Variants in KLRF1 observed in about 807,000 individuals in gnomAD.
KLRF1 encodes killer cell lectin-like receptor subfamily F member 1.
Under a neutral mutation model 30.7 loss-of-function variants are expected in KLRF1, and 27 were observed. The observed-to-expected ratio is 0.88, with a 90% CI of 0.65 to 1.21. The LOEUF is 1.21. Among genes scored for constraint, KLRF1 ranks in the 50% most tolerant of loss-of-function variants. The probability of loss-of-function intolerance (pLI) is 0.00; values close to 1 mark genes in which losing one functional copy is unlikely to be tolerated. For missense variants in KLRF1, 246 were observed against 259.3 expected, an observed-to-expected ratio of 0.95 and a Z score of 0.35; for synonymous variants, 92 against 89.3, an observed-to-expected ratio of 1.03 and a Z score of -0.17.
At chr12:9,829,740 C>T (rs753740622) in intron 1 of KLRF1, among the ~76,000 whole-genome samples, 19 of 152,166 alleles carry the variant, frequency 1.2e-4, no homozygotes, top group Admixed American at 7.2e-4. Flanking sequence ...ACCTGAGCAA[C>T]AGAGCGAGAC....
the KLRF1 span, among the ~76,000 whole-genome samples, chr12:9,812,342 G>A: frequency 6.7e-6 from 1 of 149,640 alleles, no homozygotes; most frequent in East Asian, 2.0e-4. Context: ...TCCAGCCTGG[G>A]CGACAGAGCG....
chr12:9,840,275 T>A (rs1447129296), intron 3 of KLRF1, among the ~76,000 whole-genome samples: 1 of 152,086 alleles, frequency 6.6e-6, no homozygotes, highest in East Asian at 1.9e-4. Flanking sequence ...GTGATAGTTG[T>A]ACAACATTGT....
At chr12:9,817,451 T>C in the KLRF1 span, 8 of 439,830 alleles carry the variant, frequency 1.8e-5, no homozygotes, top group South Asian at 1.5e-4. Flanking sequence ...AAACAGGTCG[T>C]AGATTCTCTG....
Position 9,831,486 on chromosome 12 carries a change from GAAT to G in KLRF1, c.86-826_86-824del, listed in dbSNP as rs565266589. Among the ~76,000 whole-genome samples the G allele has an allele frequency of 4.6e-5, 7 of 152,022 alleles. No homozygotes were observed. In the South Asian group the frequency reaches 8.3e-4, roughly 18 times the overall value. ...ATTCAATTTATTGACTGAACAATAA[GAAT>G]AATTTCGGTTACAATAGAGGATTCT... is the stretch of plus-strand genomic sequence containing the variant. On this transcript the variant is annotated intron_variant, in intron 1 of 5. Coordinates refer to ENST00000617889, the MANE Select transcript of KLRF1 (RefSeq NM_016523.3).
intron 3 of KLRF1, among the ~76,000 whole-genome samples, chr12:9,834,223 G>A (rs1353038676): frequency 6.6e-6 from 1 of 152,014 alleles, no homozygotes; most frequent in Non-Finnish European, 1.5e-5. Flanking sequence ...AGTTAAGACA[G>A]GAACAAGCCA....
chr12:9,819,829 T>A, the KLRF1 span, among the ~76,000 whole-genome samples: 4 of 152,230 alleles, frequency 2.6e-5, no homozygotes, highest in African/African-American at 7.2e-5. Flanking sequence ...CCAGACCCTG[T>A]TTCTCTTTAC....
intron 3 of KLRF1, among the ~76,000 whole-genome samples, chr12:9,840,386 G>GAGACAGATTGTAA (rs1867674256): frequency 6.6e-6 from 1 of 151,994 alleles, no homozygotes; most frequent in African/African-American, 2.4e-5. Flanking sequence ...TAAATAAAAA[G>GAGACAGATTGTAA]AGACAGATTG....
chr12:9,834,308 G>A (rs753460553), intron 3 of KLRF1, among the ~76,000 whole-genome samples: 1 of 152,054 alleles, frequency 6.6e-6, no homozygotes, highest in African/African-American at 2.4e-5. Flanking sequence ...CAGGGGATGC[G>A]ATGGCTTAGC....
At chr12:9,839,618 A>G (rs1867659817) in intron 3 of KLRF1, among the ~76,000 whole-genome samples, 1 of 152,098 alleles carries the variant, frequency 6.6e-6, no homozygotes, top group African/African-American at 2.4e-5. Flanking sequence ...GCACTTGAAG[A>G]GATGTTTAAT....
the KLRF1 span, among the ~76,000 whole-genome samples, chr12:9,806,147 A>G: frequency 2.0e-5 from 3 of 151,878 alleles, no homozygotes; most frequent in East Asian, 5.8e-4. Flanking sequence ...GATTTCTTCT[A>G]TTTTAATAGT....
chr12:9,839,033 G>T (rs927533761), intron 3 of KLRF1, among the ~76,000 whole-genome samples: 2 of 152,098 alleles, frequency 1.3e-5, no homozygotes, highest in African/African-American at 4.8e-5. Flanking sequence ...ATTAGATTTA[G>T]ATGAGGCCAT....
chr12:9,831,823 G>A (rs898586543), intron 1 of KLRF1, among the ~76,000 whole-genome samples: 1 of 152,098 alleles, frequency 6.6e-6, no homozygotes, highest in African/African-American at 2.4e-5. Context: ...ACTTACAAAG[G>A]ATTTTAGGGT....
At chr12:9,838,266 G>T (rs774058424) in intron 3 of KLRF1, among the ~76,000 whole-genome samples, 26 of 152,154 alleles carry the variant, frequency 1.7e-4, no homozygotes, top group African/African-American at 6.3e-4. Flanking sequence ...AAACAACTTT[G>T]ACTGGCTCTG....
the KLRF1 span, among the ~76,000 whole-genome samples, chr12:9,814,392 A>C: frequency 6.6e-6 from 1 of 151,986 alleles, no homozygotes; most frequent in Non-Finnish European, 1.5e-5. Flanking sequence ...GGGATTGCCC[A>C]CTCTGCCAAC....
At chr12:9,809,974 T>A in the KLRF1 span, among the ~76,000 whole-genome samples, 7 of 152,168 alleles carry the variant, frequency 4.6e-5, no homozygotes, top group African/African-American at 1.7e-4. Context: ...TAAAGATCAA[T>A]TAGCAAGGTT....
At chr12:9,841,279 T>C (rs1261408008) in intron 3 of KLRF1, among the ~76,000 whole-genome samples, 1 of 151,554 alleles carries the variant, frequency 6.6e-6, no homozygotes, top group Non-Finnish European at 1.5e-5. Flanking sequence ...CATGGACACA[T>C]AGAGGGAAAA....
At chr12:9,808,405 T>C in the KLRF1 span, among the ~76,000 whole-genome samples, 11 of 152,178 alleles carry the variant, frequency 7.2e-5, no homozygotes, top group Non-Finnish European at 1.3e-4. Flanking sequence ...ATAACAGTGA[T>C]TTCAAATAAT....
chr12:9,810,259 G>A, the KLRF1 span, among the ~76,000 whole-genome samples: 1 of 152,168 alleles, frequency 6.6e-6, no homozygotes. Flanking sequence ...AATTAACAAT[G>A]TGGTCCAAGT....
chr12:9,812,419 T>C, the KLRF1 span, among the ~76,000 whole-genome samples: 7 of 149,052 alleles, frequency 4.7e-5, no homozygotes, highest in East Asian at 1.4e-3. Flanking sequence ...ATCTGAGTTA[T>C]GGTAGGACAG....
Sources: gnomAD v4.1 joint callset for allele counts (sites outside exome capture counted in the v4.1 genomes callset) on GRCh38, gnomAD v4.1.1 for gene constraint, MANE v1.5 for transcripts, NCBI Gene and HGNC (gene_info 2026-07-23, HGNC 2026-07-21) for gene names.